Variants in ZBTB46 observed in about 807,000 individuals in gnomAD.
ZBTB46 encodes the protein zinc finger and BTB domain containing 46.
ZBTB46 carries 8 observed loss-of-function variants against 44.1 expected under a neutral mutation model. That is an observed-to-expected ratio of 0.18 (90% CI 0.11 to 0.33). The LOEUF (loss-of-function observed/expected upper bound fraction) is 0.33. ZBTB46 is among the 10% of genes least tolerant of loss of function. The probability of loss-of-function intolerance (pLI) is 1.00; values close to 1 mark genes in which losing one functional copy is unlikely to be tolerated. For synonymous variants in ZBTB46, 409 were observed against 382.3 expected (o/e 1.07, Z -0.81); for missense variants, 651 against 847.7 (o/e 0.77, Z 2.88).
In ZBTB46 at chr20:63,752,941, G is replaced by A. The variant is rs552198193; in HGVS notation, c.1223-80C>T. On this transcript the variant is annotated intron_variant, in intron 3 of 4. Coordinates refer to ENST00000245663, the MANE Select transcript of ZBTB46 (RefSeq NM_001369741.1). The surrounding 1 kb of genome is among the most constrained non-coding windows in gnomAD (Gnocchi z 5.6). ...GGCCCACAGACCACGGCTGCACGCC[G>A]CAGCCCAGCAGCCAGGACGGGCTGT... The A allele has an allele frequency of 1.4e-6, 2 of 1,454,048 alleles. No individual in the cohort carries two copies. Among genetic ancestry groups the A allele is most frequent in the Non-Finnish European group, 1.8e-6 (2 of 1,089,136 alleles). 90.1% of individuals were successfully genotyped at this position (1,454,048 alleles called of 1,614,324 possible).
At chr20:63,817,105 CAAA>C (rs755836932) in intron 1 of ZBTB46, among the ~76,000 whole-genome samples, 1 of 128,312 alleles carries the variant, frequency 7.8e-6, no homozygotes, top group Admixed American at 8.0e-5. Flanking sequence ...AACTCAGTCT[CAAA>C]AAAAAAAAGA....
intron 3 of ZBTB46, chr20:63,769,473 C>A: frequency 6.1e-6 from 6 of 982,452 alleles, no homozygotes; most frequent in African/African-American, 3.5e-5. Flanking sequence ...GACGATCTTC[C>A]CGGCATGCGG....
At chr20:63,812,828 G>A (rs1049610091) in intron 1 of ZBTB46, among the ~76,000 whole-genome samples, 8 of 152,028 alleles carry the variant, frequency 5.3e-5, no homozygotes. Flanking sequence ...GGGCGTGGTG[G>A]CTAATGCCTG....
chr20:63,799,816 C>G (rs2092630076), intron 1 of ZBTB46, among the ~76,000 whole-genome samples: 1 of 152,162 alleles, frequency 6.6e-6, no homozygotes, highest in South Asian at 2.1e-4. Flanking sequence ...CAAGGCCACA[C>G]CATGTGTCCT....
At chr20:63,820,690 C>T (rs1411395377) in intron 1 of ZBTB46, among the ~76,000 whole-genome samples, 1 of 152,086 alleles carries the variant, frequency 6.6e-6, no homozygotes, top group African/African-American at 2.4e-5. Context: ...CCTGGGCCTT[C>T]CAAAGTTCTG....
intron 1 of ZBTB46, among the ~76,000 whole-genome samples, chr20:63,807,596 C>T (rs541973666): frequency 1.7e-3 from 252 of 152,378 alleles, no homozygotes; most frequent in African/African-American, 5.8e-3. Context: ...CTGCCCGCCT[C>T]GGCCTCCCAA....
chr20:63,826,993 C>T (rs913287799), intron 1 of ZBTB46, among the ~76,000 whole-genome samples: 4 of 152,262 alleles, frequency 2.6e-5, no homozygotes, highest in Non-Finnish European at 4.4e-5. Flanking sequence ...TGGAACCGTG[C>T]GGGTGGATCT....
At chr20:63,799,983 G>A (rs187397076) in intron 1 of ZBTB46, among the ~76,000 whole-genome samples, 20 of 152,266 alleles carry the variant, frequency 1.3e-4, no homozygotes, top group Non-Finnish European at 1.9e-4. Flanking sequence ...AGACTCATGC[G>A]TGAACGTTCA....
intron 1 of ZBTB46, among the ~76,000 whole-genome samples, chr20:63,799,502 C>T (rs922592940): frequency 2.6e-5 from 4 of 152,116 alleles, no homozygotes; most frequent in Non-Finnish European, 5.9e-5. Flanking sequence ...TGTGTGCCAC[C>T]ACACCCAGCT....
intron 3 of ZBTB46, chr20:63,768,267 T>C: frequency 1.9e-6 from 1 of 515,900 alleles, no homozygotes; most frequent in South Asian, 8.5e-5. Flanking sequence ...AAATCCAAAA[T>C]GTGTGGTTAA....
chr20:63,791,758 C>T (rs944545345), intron 1 of ZBTB46, among the ~76,000 whole-genome samples: 2 of 152,188 alleles, frequency 1.3e-5, no homozygotes, highest in Non-Finnish European at 2.9e-5. Flanking sequence ...CATCAGAAGA[C>T]AGCCCTGCCT....
At chr20:63,823,501 A>AAAAATAAATAAAT (rs1555859014) in intron 1 of ZBTB46, among the ~76,000 whole-genome samples, 1 of 150,938 alleles carries the variant, frequency 6.6e-6, no homozygotes, top group Non-Finnish European at 1.5e-5. Flanking sequence ...CTGTCTCAAA[A>AAAAATAAATAAAT]AAATAAATAA....
intron 1 of ZBTB46, among the ~76,000 whole-genome samples, chr20:63,816,033 ACAGGTGCGGTGGGTG>A (rs1156860538): frequency 2.6e-4 from 36 of 136,720 alleles, no homozygotes; most frequent in East Asian, 1.4e-3. Flanking sequence ...GCAGGTGGGC[ACAGGTGCGGTGGGTG>A]CAGGTGCGGT....
intron 1 of ZBTB46, among the ~76,000 whole-genome samples, chr20:63,800,819 C>A (rs1286730293): frequency 6.6e-6 from 1 of 152,214 alleles, no homozygotes; most frequent in Admixed American, 6.5e-5. Context: ...TGAGCCTCCC[C>A]CTCCCCGCAG....
chr20:63,783,799 G>GAA (rs1312062645), intron 2 of ZBTB46, among the ~76,000 whole-genome samples: 1 of 152,146 alleles, frequency 6.6e-6, no homozygotes, highest in East Asian at 1.9e-4. Flanking sequence ...TCTTTTGGTT[G>GAA]AAACCCTTCC....
Position 63,803,217 on chromosome 20 carries a change from A to G in ZBTB46, c.-33-12427T>C. The G allele has an allele frequency of 1.2e-6, 1 of 810,584 alleles. No homozygotes were observed. 50.2% of individuals were successfully genotyped at this position (810,584 alleles called of 1,614,324 possible). On this transcript the variant is annotated intron_variant, in intron 1 of 4. Coordinates refer to ENST00000245663, the MANE Select transcript of ZBTB46 (RefSeq NM_001369741.1). This position sits in a 1 kb window ranked among gnomAD's most constrained non-coding sequence, Gnocchi z 4.0. ...CCCCCAGGGCGCCTCACCAGCAGGA[A>G]CCAGGCACCTCCCCTCACACCAAGG...
At chr20:63,785,399 A>G (rs1019509058) in intron 2 of ZBTB46, among the ~76,000 whole-genome samples, 13 of 151,516 alleles carry the variant, frequency 8.6e-5, no homozygotes, top group Non-Finnish European at 1.9e-4. Context: ...CGTCTCTACT[A>G]AAAATACAGA....
At chr20:63,761,453 A>C (rs1305959670) in intron 3 of ZBTB46, among the ~76,000 whole-genome samples, 1 of 152,170 alleles carries the variant, frequency 6.6e-6, no homozygotes, top group African/African-American at 2.4e-5. Context: ...TGTGGGCCTA[A>C]AAGTTTTGAT....
intron 1 of ZBTB46, among the ~76,000 whole-genome samples, chr20:63,802,079 G>A (rs1218548664): frequency 6.6e-6 from 1 of 152,032 alleles, no homozygotes; most frequent in African/African-American, 2.4e-5. Flanking sequence ...TCATATTTCA[G>A]AATTCCACCT....
Sources: allele counts gnomAD v4.1 joint callset (sites outside exome capture counted in the v4.1 genomes callset), GRCh38; gene constraint gnomAD v4.1.1; non-coding constraint Gnocchi (gnomAD v3.1); transcripts MANE v1.5; gene names NCBI Gene and HGNC (gene_info 2026-07-23, HGNC 2026-07-21).